The following CEBPZ variants were observed in gnomAD, a reference collection of about 807,000 sequenced individuals.
CEBPZ encodes CCAAT/enhancer-binding protein zeta.
In CEBPZ, 78 loss-of-function variants were observed where a neutral mutation model predicts 104.5. The ratio of observed to expected loss-of-function variants is 0.75; its 90% CI spans 0.62 to 0.90. The LOEUF (loss-of-function observed/expected upper bound fraction) is 0.90, where lower values mean the gene tolerates loss of function less well. CEBPZ is among the 40% of genes least tolerant of loss of function. The pLI is 0.00. For missense variants in CEBPZ, 1,439 were observed against 1,233.5 expected, an observed-to-expected ratio of 1.17 and a Z score of -2.50; for synonymous variants, 470 against 427.0, an observed-to-expected ratio of 1.10 and a Z score of -1.24.
chr2:37,231,367 A>T (rs200094783), intron 1 of CEBPZ, 45 bp downstream of exon 1: 55 of 1,611,590 alleles, frequency 3.4e-5, no homozygotes, highest in Non-Finnish European at 3.8e-5. Context: ...CCACCTTCGG[A>T]ACTCTCCACG....
At chr2:37,215,073 G>A in intron 8 of CEBPZ, 121 bp from the exon 9 acceptor site, 1 of 677,002 alleles carries the variant, frequency 1.5e-6, no homozygotes, top group Non-Finnish European at 2.6e-6. Context: ...GTGTGGGAAG[G>A]TAGACAGAAG....
Position 37,231,569 on chromosome 2 carries a change from G to T in CEBPZ, c.-2C>A. On this transcript the variant is annotated 5_prime_UTR_variant, in exon 1 of 16. Coordinates refer to ENST00000234170, the MANE Select transcript of CEBPZ (RefSeq NM_005760.3). The stretch of plus-strand genomic sequence containing the variant: ...CAAAGGCTCCTTGACTGCGGCCATG[G>T]CGGGCAAAGCATACGCGCGTGAAAC... 2 of 1,614,236 alleles carry T rather than the reference G, an allele frequency of 1.2e-6. No individual in the cohort carries two copies. The highest frequency in any genetic ancestry group is 1.7e-5 in the Admixed American group (1 of 60,032).
rs1677860293 is a variant in CEBPZ at position 37,216,120 on chromosome 2, T to C, written c.2380+20A>G. ...CTTATATTGTCTTTTCAGTTTCAACTGTCTAAGGTTTATACTTACCAGGAA... is the reference window on the plus strand; with the variant it reads ...CTTATATTGTCTTTTCAGTTTCAACCGTCTAAGGTTTATACTTACCAGGAA... On this transcript the variant is annotated intron_variant, in intron 8 of 15. Coordinates refer to ENST00000234170, the MANE Select transcript of CEBPZ (RefSeq NM_005760.3). The C allele has an allele frequency of 1.3e-6, 2 of 1,559,322 alleles. No homozygotes were observed. Among genetic ancestry groups the C allele is most frequent in the Admixed American group, 1.8e-5 (1 of 54,228 alleles).
rs147728536 is a variant in CEBPZ at position 37,202,816 on chromosome 2, C to G, written c.2993G>C (p.Gly998Ala). 5.6e-6 allele frequency: 9 copies of G among 1,597,798 alleles called. No individual in the cohort carries two copies. The highest frequency in any genetic ancestry group is 7.7e-6 in the Non-Finnish European group (9 of 1,172,680). ...ENMGSKFDNIGMNAMANKDNA... is the reference protein window; with the variant it reads ...ENMGSKFDNIAMNAMANKDNA... ...ATCTTTGTTAGCCATGGCATTCATG[C>G]CAATGTTATCAAACTTGGATCCCAT... The change falls in exon 15 of 16, where the codon GGC (glycine) becomes GCC (alanine). Residue 998 changes from glycine to alanine, a missense_variant. Gly to Ala is a moderately conservative substitution (Grantham distance 60). Transcript: ENST00000234170.
At chr2:37,216,941 C>T (rs1664602291) in intron 6 of CEBPZ, 43 bp downstream of exon 6, 1 of 1,484,116 alleles carries the variant, frequency 6.7e-7, no homozygotes. Context: ...TAAAATGATA[C>T]TTTTTTTCTT....
rs1185014620 is a variant in CEBPZ, at chr2:37,222,403, C to A, written c.2042G>T (p.Trp681Leu). Residue 681 changes from tryptophan (W) to leucine (L), a missense_variant, in exon 4 of 16, where the codon TGG (tryptophan) becomes TTG (leucine). Trp to Leu is a moderately conservative substitution (Grantham distance 61, BLOSUM62 -2). Coordinates refer to ENST00000234170, the MANE Select transcript of CEBPZ (RefSeq NM_005760.3). ...ACCTTTCAAATTATCAAAGTGCACC[C>A]AGGAAGCAACCTCTGGTTTTTTGGT... ...VETKKPEVAS[W>L]VHFDNLKGGK... 5 of 1,590,820 alleles carry A rather than the reference C, an allele frequency of 3.1e-6. No homozygotes were observed. The highest frequency in any genetic ancestry group is 4.3e-6 in the Non-Finnish European group (5 of 1,172,886).
At chr2:37,216,293 T>C (rs1677865367) in intron 7 of CEBPZ, 23 bp downstream of exon 7, 1 of 1,607,762 alleles carries the variant, frequency 6.2e-7, no homozygotes, top group Admixed American at 1.7e-5. Flanking sequence ...GAAAGCCAAA[T>C]AATTCACTAA....
intron 13 of CEBPZ, among the ~76,000 whole-genome samples, chr2:37,205,098 ATATG>A (rs1321541765): frequency 6.6e-6 from 1 of 152,244 alleles, no homozygotes; most frequent in Non-Finnish European, 1.5e-5. Context: ...TATAATTTAA[ATATG>A]TATCAGTTAA....
Position 37,228,606 on chromosome 2 carries a change from G to A in CEBPZ, c.587C>T (p.Pro196Leu), listed in dbSNP as rs746456928. The A allele has an allele frequency of 2.5e-5, 41 of 1,614,110 alleles. No individual in the cohort carries two copies. Among genetic ancestry groups the A allele is most frequent in the Non-Finnish European group, 3.2e-5 (38 of 1,180,014 alleles). Residue 196 changes from proline to leucine, a missense_variant, in exon 2 of 16, where the codon CCC becomes CTC. Physicochemically the swap from Pro to Leu is moderately conservative, Grantham distance 98 (BLOSUM62 -3). Coordinates refer to ENST00000234170, the MANE Select transcript of CEBPZ (RefSeq NM_005760.3). ...LEYSNEYSLK[P>L]QPQDVVSKYK... is the part of the protein sequence containing the mutation. Reference sequence around the variant, plus strand: ...CTTAGATACAACATCCTGAGGCTGGGGTTTCAAAGAATATTCATTGCTGTA... The same window carrying A: ...CTTAGATACAACATCCTGAGGCTGGAGTTTCAAAGAATATTCATTGCTGTA...
intron 13 of CEBPZ, among the ~76,000 whole-genome samples, chr2:37,206,868 A>G (rs563166542): frequency 6.6e-6 from 1 of 152,302 alleles, no homozygotes; most frequent in African/African-American, 2.4e-5. Flanking sequence ...TAAAAGATAC[A>G]TTTGGACCAC....
intron 15 of CEBPZ, chr2:37,202,560 A>T: frequency 2.9e-6 from 1 of 349,362 alleles, no homozygotes; most frequent in South Asian, 4.4e-5. Flanking sequence ...TAGGAGAATT[A>T]CTTGAACATG....
At chr2:37,222,154 C>T (rs1444854611) in intron 4 of CEBPZ, among the ~76,000 whole-genome samples, 3 of 152,088 alleles carry the variant, frequency 2.0e-5, no homozygotes, top group Admixed American at 6.5e-5. Context: ...TGTGGTGGCA[C>T]ATGCCTGTAA....
chr2:37,203,842 G>GT (rs1436768373), intron 13 of CEBPZ: 3 of 152,114 alleles, frequency 2.0e-5, no homozygotes, highest in African/African-American at 7.2e-5. Flanking sequence ...TTAGCATAAC[G>GT]TTTTTGAGGC....
intron 13 of CEBPZ, chr2:37,203,529 A>C (rs556405794): frequency 2.6e-5 from 4 of 152,392 alleles, no homozygotes; most frequent in Admixed American, 2.6e-4. Context: ...CAAACTCTGC[A>C]TCTTTGATAT....
At chr2:37,219,113 C>A (rs1314748182) in intron 5 of CEBPZ, among the ~76,000 whole-genome samples, 1 of 152,204 alleles carries the variant, frequency 6.6e-6, no homozygotes, top group Non-Finnish European at 1.5e-5. Context: ...ACAACAAATA[C>A]TGCCAGCTTT....
intron 13 of CEBPZ, chr2:37,204,337 G>A (rs1322839942): frequency 1.3e-5 from 2 of 148,466 alleles, no homozygotes; most frequent in African/African-American, 2.5e-5. Flanking sequence ...GAGTACAGGG[G>A]CGTGATCTCG....
intron 11 of CEBPZ, 38 bp from the exon 12 acceptor site, chr2:37,212,077 G>A: frequency 2.0e-6 from 3 of 1,531,166 alleles, no homozygotes; most frequent in African/African-American, 2.8e-5. Flanking sequence ...AGAGGAGGCA[G>A]TATTTTCTAA....
Position 37,211,900 on chromosome 2 carries a change from C to T in CEBPZ, c.2743G>A (p.Asp915Asn). ...SMDDEEFAEVDEDGGTFMDVL... is the reference protein window; with the variant it reads ...SMDDEEFAEVNEDGGTFMDVL... ...TCCATGAATGTTCCTCCATCTTCAT[C>T]AACTTCAGCAAATTCTTCATCATCC... The change falls in exon 12 of 16, where the codon GAT (aspartate) becomes AAT (asparagine). Residue 915 changes from aspartate (D) to asparagine (N), a missense_variant. Coordinates refer to ENST00000234170, the MANE Select transcript of CEBPZ (RefSeq NM_005760.3). 1.2e-6 allele frequency: 2 copies of T among 1,612,310 alleles called. No homozygotes were observed. The highest frequency in any genetic ancestry group is 1.7e-6 in the Non-Finnish European group (2 of 1,179,488).
intron 2 of CEBPZ, among the ~76,000 whole-genome samples, chr2:37,224,570 CTCTTTACATTTAAATTTTCCA>C: frequency 7.2e-5 from 1 of 13,918 alleles, no homozygotes. Context: ...TAAATTTTCC[CTCTTTACATTTAAATTTTCCA>C]ACATTTCCAT....
Sources: gnomAD v4.1 joint callset for allele counts (sites outside exome capture counted in the v4.1 genomes callset) on GRCh38, gnomAD v4.1.1 for gene constraint, MANE v1.5 for transcripts, NCBI Gene and HGNC (gene_info 2026-07-23, HGNC 2026-07-21) for gene names.